The following UBA5 variants were observed in gnomAD, a reference collection of about 807,000 sequenced individuals.
The protein encoded by UBA5 is ubiquitin-like modifier-activating enzyme 5.
A neutral mutation model predicts 52.9 loss-of-function variants in UBA5; 28 were observed. The observed-to-expected ratio is 0.53, with a 90% CI of 0.39 to 0.73. UBA5 has a LOEUF of 0.73. Ranked by LOEUF, UBA5 falls within the 30% of genes least tolerant of loss-of-function variation. UBA5 has a pLI of 0.00. For missense variants in UBA5, 388 were observed against 492.7 expected, an observed-to-expected ratio of 0.79 and a Z score of 2.01; for synonymous variants, 135 against 162.1, an observed-to-expected ratio of 0.83 and a Z score of 1.27.
intron 1 of UBA5, among the ~76,000 whole-genome samples, chr3:132,664,932 A>G (rs1389781306): frequency 6.6e-6 from 1 of 152,094 alleles, no homozygotes; most frequent in African/African-American, 2.4e-5. Flanking sequence ...TGAATTTGTG[A>G]AAATACATAG....
At chr3:132,668,784 G>T in intron 3 of UBA5, 34 bp from the exon 4 acceptor site, 1 of 1,399,132 alleles carries the variant, frequency 7.1e-7, no homozygotes. Flanking sequence ...TTTTTGGTAT[G>T]TTTTTCATCA....
chr3:132,655,694 A>C (rs1937753416), upstream of UBA5, among the ~76,000 whole-genome samples: 1 of 152,160 alleles, frequency 6.6e-6, no homozygotes, highest in South Asian at 2.1e-4. Flanking sequence ...TACATTGTAA[A>C]GTTCAGAAGC....
At chr3:132,674,767 T>G (rs1938759540) in intron 8 of UBA5, among the ~76,000 whole-genome samples, 1 of 152,162 alleles carries the variant, frequency 6.6e-6, no homozygotes, top group African/African-American at 2.4e-5. Context: ...CTGGTGATGG[T>G]TACATGAAAG....
At position 132,676,682 on chromosome 3, in the gene UBA5, C is replaced by T. The variant is rs1308091096; in HGVS notation, c.*156C>T. ...TGAAAATCCTGTGACTTGCCTGTTT[C>T]TCCCCGCTCCAACGAAATCATTAAC... On this transcript the variant is annotated 3_prime_UTR_variant, in exon 12 of 12. Coordinates refer to ENST00000356232, the MANE Select transcript of UBA5 (RefSeq NM_024818.6). This position sits in a 1 kb window ranked among gnomAD's most constrained non-coding sequence, Gnocchi z 4.1. 1 of 619,964 alleles carries T rather than the reference C, an allele frequency of 1.6e-6. No homozygotes were observed. The highest frequency in any genetic ancestry group is 2.6e-5 in the Admixed American group (1 of 38,554). The allele number at this position is 619,964 out of a possible 1,614,324, so 38.4% of individuals were successfully genotyped here. A position where few individuals can be genotyped will look rare whatever the true frequency, so the allele number is the denominator to read the frequency against.
In UBA5 at chr3:132,676,356, TG is replaced by T; in HGVS notation, c.1132-85del. ...ATTTACTTTATAACCTTGTTGAGCA[TG>T]GTCAAAACTTGCTGATTATATATTC... is the stretch of plus-strand genomic sequence containing the variant. On this transcript the variant is annotated intron_variant, in intron 11 of 11. Transcript: ENST00000356232. The surrounding 1 kb of genome is among the most constrained non-coding windows in gnomAD (Gnocchi z 4.1). The T allele has an allele frequency of 9.9e-7, 1 of 1,012,654 alleles. No individual in the cohort carries two copies. Among genetic ancestry groups the T allele is most frequent in the Non-Finnish European group, 1.5e-6 (1 of 672,830 alleles). 62.7% of individuals were successfully genotyped at this position (1,012,654 alleles called of 1,614,324 possible). A position where few individuals can be genotyped will look rare whatever the true frequency, so the allele number is the denominator to read the frequency against.
Position 132,665,865 on chromosome 3 carries a change from T to C in UBA5, c.204T>C (p.Tyr68=), listed in dbSNP as rs1363248710. 4 of 1,613,468 alleles carry C rather than the reference T, an allele frequency of 2.5e-6. No individual in the cohort carries two copies. The highest frequency in any genetic ancestry group is 2.2e-5 in the East Asian group (1 of 44,864). Residue 68 remains tyrosine, a synonymous_variant, in exon 2 of 12, where the codon TAT becomes TAC. Transcript: ENST00000356232. ...ALKRMGIVSD[Y]EKIRTFAVAI... ...AACGAATGGGAATTGTAAGCGACTA[T>C]GAGGTATGATAAACCCTTTCCAAGT...
intron 3 of UBA5, 125 bp downstream of exon 3, chr3:132,666,198 T>A (rs571824940): frequency 6.8e-6 from 5 of 740,358 alleles, no homozygotes; most frequent in African/African-American, 1.7e-5. Flanking sequence ...ATCTAGATTG[T>A]TCTTTCTACT....
At chr3:132,661,003 T>TA (rs1938132953) in intron 1 of UBA5, 2 of 1,437,034 alleles carry the variant, frequency 1.4e-6, no homozygotes, top group East Asian at 6.4e-5. Flanking sequence ...ATAAGACTGA[T>TA]AGTAAGAACT....
intron 8 of UBA5, among the ~76,000 whole-genome samples, chr3:132,673,492 TG>T (rs1938694518): frequency 1.3e-5 from 2 of 150,892 alleles, no homozygotes; most frequent in African/African-American, 4.9e-5. Flanking sequence ...GAAGTACGAG[TG>T]TATGCCACAA....
upstream of UBA5, among the ~76,000 whole-genome samples, chr3:132,656,057 C>A (rs1345847565): frequency 6.6e-6 from 1 of 152,126 alleles, no homozygotes; most frequent in Non-Finnish European, 1.5e-5. Context: ...GAGTGACTAC[C>A]ATTCTGAATT....
At position 132,672,313 on chromosome 3, in the gene UBA5, A is replaced by T. The variant is rs1576649422; in HGVS notation, c.812+136A>T. The T allele has an allele frequency of 6.0e-6, 6 of 1,002,890 alleles. No homozygotes were observed. In the East Asian group the frequency reaches 1.6e-4, roughly 27 times the overall value. 62.1% of individuals were successfully genotyped at this position (1,002,890 alleles called of 1,614,324 possible). On this transcript the variant is annotated intron_variant, in intron 8 of 11. Coordinates refer to ENST00000356232, the MANE Select transcript of UBA5 (RefSeq NM_024818.6). ...TACTTTAAACTTAAATGTAGTTTTA[A>T]ATGTTTTATATATGTATATGTGCAA...
intron 1 of UBA5, among the ~76,000 whole-genome samples, chr3:132,665,325 C>T (rs904695143): frequency 6.6e-6 from 1 of 152,152 alleles, no homozygotes; most frequent in Admixed American, 6.5e-5. Context: ...TAGACTTAAA[C>T]TGCAGATTAC....
rs989477513 is a variant in UBA5, at chr3:132,675,902, G to A, written c.1110G>A (p.Val370=). The A allele has an allele frequency of 2.5e-6, 4 of 1,600,974 alleles. No homozygotes were observed. The highest frequency in any genetic ancestry group is 2.7e-5 in the African/African-American group (2 of 74,230). ...CAGACTTACCTGAAGGAATTACAGT[G>A]GCATACACAATTCCAAAAAAGGTAC... ...PVPDLPEGIT[V]AYTIPKKQED... The change falls in exon 11 of 12, where the codon GTG becomes GTA. Residue 370 remains valine, a synonymous_variant. Transcript: ENST00000356232.
intron 3 of UBA5, among the ~76,000 whole-genome samples, chr3:132,666,622 G>A (rs112230823): frequency 1.2e-3 from 181 of 152,146 alleles, no homozygotes; most frequent in African/African-American, 3.7e-3. Flanking sequence ...GATACATAAT[G>A]GTTGAATGAA....
In UBA5 at chr3:132,661,907, G is replaced by A. The variant is rs570586719; in HGVS notation, c.161+1209G>A. ...TTTAACTGTGTTGCCAAATATGAAC[G>A]GTTAATGGTCCAGAATTTTTAGAGA... On this transcript the variant is annotated intron_variant, in intron 1 of 11. Transcript: ENST00000356232. 1.3e-4 allele frequency among the ~76,000 whole-genome samples: 20 copies of A among 152,260 alleles called. No homozygotes were observed. The South Asian group carries it at 4.1e-3, about 32-fold the overall frequency.
rs777172295 is a variant in UBA5, at chr3:132,670,951, T to C, written c.495-14T>C. On this transcript the variant is annotated splice_polypyrimidine_tract_variant and intron_variant, in intron 5 of 11. Coordinates refer to ENST00000356232, the MANE Select transcript of UBA5 (RefSeq NM_024818.6). ...TGTGTCCTGATGTTTTTCAAACTTA[T>C]TTTCTTTGACTAGTAATGGTGGGTT... 7 of 1,608,914 alleles carry C rather than the reference T, an allele frequency of 4.4e-6. No homozygotes were observed. The African/African-American group carries it at 8.0e-5, about 18-fold the overall frequency.
chr3:132,675,297 A>G lies in UBA5; in HGVS notation c.862A>G (p.Met288Val), dbSNP rs749216109. The change falls in exon 9 of 12, where the codon ATG (methionine) becomes GTG (valine). Residue 288 changes from methionine to valine, a missense_variant. This residue lies in a region of UBA5 where 277 missense variants were observed against 326.4 expected (regional missense o/e 0.85). Transcript: ENST00000356232. The part of the protein sequence containing the change: ...TVSFYLGYNA[M>V]QDFFPTMSMK... ...TAGTTTTTACCTTGGATACAATGCA[A>G]TGCAGGATTTTTTTCCTACTATGTC... 1 of 1,613,374 alleles carries G rather than the reference A, an allele frequency of 6.2e-7. No homozygotes were observed. The highest frequency in any genetic ancestry group is 2.2e-5 in the East Asian group (1 of 44,794).
upstream of UBA5, chr3:132,659,941 T>C (rs1330661214): frequency 3.3e-6 from 2 of 606,620 alleles, no homozygotes; most frequent in South Asian, 2.8e-5. Flanking sequence ...GTTTTAGCTC[T>C]AGTCAAGTGC....
Position 132,678,252 on chromosome 3 carries a change from A to G in UBA5, c.*1726A>G, listed in dbSNP as rs1938916549. Among the ~76,000 whole-genome samples the G allele has an allele frequency of 6.6e-6, 1 of 152,224 alleles. No individual in the cohort carries two copies. On this transcript the variant is annotated 3_prime_UTR_variant, in exon 12 of 12. Transcript: ENST00000356232. ...AATTGGATTATTTAACCAGAAAAAAAATCTGGTAATAGAGATGTTGCTATC... is the reference window on the plus strand; with the variant it reads ...AATTGGATTATTTAACCAGAAAAAAGATCTGGTAATAGAGATGTTGCTATC...
Sources: allele counts gnomAD v4.1 joint callset (sites outside exome capture counted in the v4.1 genomes callset), GRCh38; gene constraint gnomAD v4.1.1; regional missense constraint gnomAD v4.1.1; non-coding constraint Gnocchi (gnomAD v3.1); transcripts MANE v1.5; gene names NCBI Gene and HGNC (gene_info 2026-07-23, HGNC 2026-07-21).